Variants in RASGRP3 observed in about 807,000 individuals in gnomAD.
RASGRP3 encodes the protein RAS guanyl releasing protein 3.
A neutral mutation model predicts 82.7 loss-of-function variants in RASGRP3; 54 were observed. The observed-to-expected ratio is 0.65, with a 90% CI of 0.52 to 0.82. The LOEUF (loss-of-function observed/expected upper bound fraction) is 0.82, where lower values mean the gene tolerates loss of function less well. Among genes scored for constraint, RASGRP3 ranks in the 40% least tolerant of loss-of-function variants. The probability of loss-of-function intolerance (pLI) is 0.00; values close to 1 mark genes in which losing one functional copy is unlikely to be tolerated. For missense variants in RASGRP3, 861 were observed against 828.9 expected (o/e 1.04, Z -0.48); for synonymous variants, 309 against 300.5 (o/e 1.03, Z -0.29).
intron 2 of RASGRP3, among the ~76,000 whole-genome samples, chr2:33,467,210 C>A (rs1666747520): frequency 6.6e-6 from 1 of 152,138 alleles, no homozygotes; most frequent in African/African-American, 2.4e-5. Context: ...ACATTGAACA[C>A]CGGCACTATA....
chr2:33,437,707 C>A (rs965540804), intron 1 of RASGRP3, among the ~76,000 whole-genome samples: 3 of 151,954 alleles, frequency 2.0e-5, no homozygotes, highest in Non-Finnish European at 4.4e-5. Context: ...CGTCTTCTTT[C>A]CTGGGAGAAT....
chr2:33,522,322 G>A (rs940441162), intron 7 of RASGRP3, among the ~76,000 whole-genome samples: 12 of 152,130 alleles, frequency 7.9e-5, no homozygotes, highest in African/African-American at 2.9e-4. Context: ...TATTTTCAAT[G>A]TCTCCTTTCA....
chr2:33,519,228 T>A (rs1467245059), intron 4 of RASGRP3, among the ~76,000 whole-genome samples: 3 of 152,210 alleles, frequency 2.0e-5, no homozygotes, highest in African/African-American at 7.2e-5. Context: ...ATTGGACCAC[T>A]GTCACATATG....
intron 1 of RASGRP3, among the ~76,000 whole-genome samples, chr2:33,447,668 G>A (rs1665576959): frequency 6.6e-6 from 1 of 152,102 alleles, no homozygotes; most frequent in Middle Eastern, 3.4e-3. Context: ...CAAGTGATTC[G>A]ACCGCCTTGG....
Position 33,480,954 on chromosome 2 carries a change from G to A in RASGRP3, c.-261+4247G>A, listed in dbSNP as rs556412833. Among the ~76,000 whole-genome samples, 265 of 152,146 alleles carry A rather than the reference G, an allele frequency of 1.7e-3. 3 individuals are homozygous for A. The highest frequency in any genetic ancestry group is 3.4e-3 in the Middle Eastern group (1 of 294). ...TCGAACCCCTGCATTTATATATGCCGGCATAAGGCACTTTCTTGTACCTTG... is the reference window on the plus strand; with the variant it reads ...TCGAACCCCTGCATTTATATATGCCAGCATAAGGCACTTTCTTGTACCTTG... On this transcript the variant is annotated intron_variant, in intron 1 of 17. Coordinates refer to ENST00000403687, the MANE Select transcript of RASGRP3 (RefSeq NM_001139488.2).
intron 1 of RASGRP3, among the ~76,000 whole-genome samples, chr2:33,446,492 T>C (rs1361573017): frequency 2.1e-3 from 1 of 468 alleles, no homozygotes; most frequent in African/African-American, 3.4e-3. Flanking sequence ...ATTTTTTGGA[T>C]TTTTTTTTTT....
In RASGRP3 at chr2:33,515,050, C is replaced by T; in HGVS notation, c.-87C>T. On this transcript the variant is annotated 5_prime_UTR_variant, in exon 3 of 18. Coordinates refer to ENST00000403687, the MANE Select transcript of RASGRP3 (RefSeq NM_001139488.2). ...CAACTAAGGACAGGTCACCACTAGG[C>T]ACTAACATCGCTGACTTGCATGATT... 4.1e-6 allele frequency: 5 copies of T among 1,215,060 alleles called. No homozygotes were observed. In the South Asian group the frequency reaches 6.0e-5, roughly 15 times the overall value. The allele number at this position is 1,215,060 out of a possible 1,614,324, so 75.3% of individuals were successfully genotyped here. A position where few individuals can be genotyped will look rare whatever the true frequency, so the allele number is the denominator to read the frequency against.
chr2:33,504,437 C>G (rs1383686666), intron 1 of RASGRP3, among the ~76,000 whole-genome samples: 1 of 152,196 alleles, frequency 6.6e-6, no homozygotes, highest in Non-Finnish European at 1.5e-5. Context: ...ACACCTCCAG[C>G]CTATTGCTAT....
At chr2:33,549,815 G>C in intron 14 of RASGRP3, 64 bp downstream of exon 14, 1 of 1,513,500 alleles carries the variant, frequency 6.6e-7, no homozygotes, top group Admixed American at 2.0e-5. Flanking sequence ...TGAAAAAGTA[G>C]GAAAATGATA....
chr2:33,503,481 GA>G (rs1484920242), intron 1 of RASGRP3, among the ~76,000 whole-genome samples: 1 of 152,118 alleles, frequency 6.6e-6, no homozygotes, highest in Admixed American at 6.6e-5. Flanking sequence ...TTTGCTGCAG[GA>G]AAAACATCTG....
chr2:33,539,347 T>A, intron 12 of RASGRP3, 137 bp downstream of exon 12: 1 of 677,958 alleles, frequency 1.5e-6, no homozygotes, highest in Non-Finnish European at 2.6e-6. Context: ...AGCAGGCACT[T>A]AGTCCTACCA....
intron 1 of RASGRP3, among the ~76,000 whole-genome samples, chr2:33,483,839 C>A (rs1191542991): frequency 6.6e-6 from 1 of 152,086 alleles, no homozygotes; most frequent in Non-Finnish European, 1.5e-5. Flanking sequence ...AGACAAATAA[C>A]CACATTTGAG....
chr2:33,527,000 A>G, intron 9 of RASGRP3, 137 bp from the exon 10 acceptor site: 1 of 907,852 alleles, frequency 1.1e-6, no homozygotes, highest in Non-Finnish European at 1.6e-6. Flanking sequence ...TTCCTGATTC[A>G]TATTTCCCTG....
chr2:33,489,455 C>G (rs1370734154), intron 1 of RASGRP3, among the ~76,000 whole-genome samples: 1 of 152,244 alleles, frequency 6.6e-6, no homozygotes, highest in East Asian at 1.9e-4. Flanking sequence ...GCTGACAGCA[C>G]TCTTTGGTGT....
intron 2 of RASGRP3, among the ~76,000 whole-genome samples, chr2:33,466,514 A>G (rs1378422049): frequency 6.6e-6 from 1 of 152,108 alleles, no homozygotes; most frequent in Non-Finnish European, 1.5e-5. Flanking sequence ...CCCTGTCTCT[A>G]CTAAAAATAC....
intron 2 of RASGRP3, 21 bp from the exon 3 acceptor site, chr2:33,514,989 C>G (rs1244798734): frequency 1.4e-6 from 1 of 706,812 alleles, no homozygotes; most frequent in Non-Finnish European, 2.4e-6. Flanking sequence ...ATAACTTTCT[C>G]TCTTTTTTCT....
At chr2:33,557,038 T>C (rs547983125) in intron 15 of RASGRP3, among the ~76,000 whole-genome samples, 3 of 152,194 alleles carry the variant, frequency 2.0e-5, no homozygotes, top group African/African-American at 7.2e-5. Flanking sequence ...GAATACATCA[T>C]TAAGACTATT....
rs186032738 is a variant in RASGRP3 at position 33,542,786 on chromosome 2, C to T, written c.1279-726C>T. 6.7e-5 allele frequency among the ~76,000 whole-genome samples: 8 copies of T among 119,308 alleles called. 2 individuals carry two copies. Among genetic ancestry groups the T allele is most frequent in the East Asian group, 2.0e-4 (1 of 5,120 alleles). 78.3% of individuals were successfully genotyped at this position (119,308 alleles called of 152,430 possible). A position where few individuals can be genotyped will look rare whatever the true frequency, so the allele number is the denominator to read the frequency against. On this transcript the variant is annotated intron_variant, in intron 12 of 17. Coordinates refer to ENST00000403687, the MANE Select transcript of RASGRP3 (RefSeq NM_001139488.2). ...GCAACCTCCTCCTCCCAGGTTCAAGCGATTCTCGTGCCTCAGCCCCCTGAG... is the reference window on the plus strand; with the variant it reads ...GCAACCTCCTCCTCCCAGGTTCAAGTGATTCTCGTGCCTCAGCCCCCTGAG...
chr2:33,530,869 T>G (rs1673053988), intron 10 of RASGRP3: 1 of 152,160 alleles, frequency 6.6e-6, no homozygotes. Flanking sequence ...TCAGGGAATA[T>G]CTGGAGAGGA....
Sources: gnomAD v4.1 joint callset for allele counts (sites outside exome capture counted in the v4.1 genomes callset) on GRCh38, gnomAD v4.1.1 for gene constraint, MANE v1.5 for transcripts, NCBI Gene and HGNC (gene_info 2026-07-23, HGNC 2026-07-21) for gene names.